Variants in LYPD6B observed in about 807,000 individuals in gnomAD.
LYPD6B encodes the protein ly6/PLAUR domain-containing protein 6B.
In LYPD6B, 17 loss-of-function variants were observed where a neutral mutation model predicts 22.8. The ratio of observed to expected loss-of-function variants is 0.75; its 90% CI spans 0.51 to 1.12. The LOEUF is 1.12. Among genes scored for constraint, LYPD6B ranks in the 50% most tolerant of loss-of-function variants. LYPD6B has a pLI of 0.00. For missense variants in LYPD6B, 221 were observed against 258.3 expected, an observed-to-expected ratio of 0.86 and a Z score of 0.99; for synonymous variants, 106 against 91.6, an observed-to-expected ratio of 1.16 and a Z score of -0.90.
chr2:149,039,457 G>C lies in LYPD6B; in HGVS notation c.-67+656G>C, dbSNP rs377764678. 5.9e-3 allele frequency among the ~76,000 whole-genome samples: 896 copies of C among 152,298 alleles called. 9 individuals carry two copies. Among genetic ancestry groups the C allele is most frequent in the African/African-American group, 0.018 (746 of 41,576 alleles). ...GTTTGGGGGGAGCTGGTGGGTGGAG[G>C]GGTGCTGTCCACCTCCCAAGGCCAG... On this transcript the variant is annotated intron_variant, in intron 1 of 6. Coordinates refer to ENST00000409642, the MANE Select transcript of LYPD6B (RefSeq NM_177964.5).
intron 3 of LYPD6B, among the ~76,000 whole-genome samples, chr2:149,170,400 T>A (rs1367499327): frequency 6.6e-6 from 1 of 152,212 alleles, no homozygotes; most frequent in Non-Finnish European, 1.5e-5. Flanking sequence ...AAATACCATC[T>A]GTCTTCTATC....
At chr2:149,208,226 G>A in intron 4 of LYPD6B, 88 bp from the exon 5 acceptor site, 1 of 854,640 alleles carries the variant, frequency 1.2e-6, no homozygotes, top group Non-Finnish European at 2.0e-6. Context: ...TGTTTCATCT[G>A]TTAAAGTTGC....
At chr2:149,183,863 G>GTGTGTA (rs1553498942) in intron 3 of LYPD6B, among the ~76,000 whole-genome samples, 1 of 148,688 alleles carries the variant, frequency 6.7e-6, no homozygotes, top group Non-Finnish European at 1.5e-5. Context: ...GTGTGTGTGT[G>GTGTGTA]TATATATATA....
intron 2 of LYPD6B, among the ~76,000 whole-genome samples, chr2:149,148,778 G>A (rs189976183): frequency 1.3e-5 from 2 of 152,326 alleles, no homozygotes; most frequent in South Asian, 2.1e-4. Context: ...GGGCAGTGCT[G>A]AGGAAGGCTG....
intron 1 of LYPD6B, among the ~76,000 whole-genome samples, chr2:149,052,556 AG>A (rs1362974788): frequency 6.6e-6 from 1 of 152,218 alleles, no homozygotes; most frequent in Non-Finnish European, 1.5e-5. Flanking sequence ...GCTGAACTTC[AG>A]GTAAGGACAC....
chr2:149,100,151 C>G (rs1686122862), intron 1 of LYPD6B, among the ~76,000 whole-genome samples: 1 of 152,080 alleles, frequency 6.6e-6, no homozygotes, highest in Non-Finnish European at 1.5e-5. Context: ...ATGGTCTAAA[C>G]TGGGTCATCC....
intron 1 of LYPD6B, among the ~76,000 whole-genome samples, chr2:149,060,749 C>T (rs1245729705): frequency 6.6e-6 from 1 of 152,092 alleles, no homozygotes; most frequent in Non-Finnish European, 1.5e-5. Context: ...ATATTGCTCT[C>T]CTATAGTAGG....
intron 2 of LYPD6B, among the ~76,000 whole-genome samples, chr2:149,152,440 G>A (rs755195398): frequency 3.3e-5 from 5 of 152,134 alleles, no homozygotes; most frequent in African/African-American, 4.8e-5. Flanking sequence ...AGTGTCAAGC[G>A]CTGCAGGCTT....
intron 1 of LYPD6B, among the ~76,000 whole-genome samples, chr2:149,040,519 C>T (rs1386035412): frequency 1.3e-5 from 2 of 152,112 alleles, no homozygotes; most frequent in Admixed American, 1.3e-4. Flanking sequence ...AGCCACTGCA[C>T]CCGGCCCCTT....
intron 1 of LYPD6B, among the ~76,000 whole-genome samples, chr2:149,123,755 G>A (rs890817085): frequency 8.5e-5 from 13 of 152,270 alleles, no homozygotes; most frequent in Admixed American, 8.5e-4. Context: ...ACTCACTCGG[G>A]AGGCTGAGGC....
intron 3 of LYPD6B, among the ~76,000 whole-genome samples, chr2:149,189,689 T>G (rs1692371944): frequency 6.6e-6 from 1 of 152,092 alleles, no homozygotes; most frequent in African/African-American, 2.4e-5. Context: ...CAATGCTTCC[T>G]GGCTGTTGAT....
intron 1 of LYPD6B, among the ~76,000 whole-genome samples, chr2:149,061,159 T>A (rs1466618906): frequency 1.3e-5 from 2 of 151,460 alleles, no homozygotes; most frequent in African/African-American, 2.4e-5. Flanking sequence ...TCAGCAGGCA[T>A]GCTCTGTAGC....
intron 4 of LYPD6B, among the ~76,000 whole-genome samples, chr2:149,206,405 A>G (rs1693509376): frequency 6.6e-6 from 1 of 152,140 alleles, no homozygotes; most frequent in Admixed American, 6.5e-5. Context: ...CATGTATACT[A>G]TAGACATGTA....
At chr2:149,193,296 C>A (rs917334049) in intron 3 of LYPD6B, among the ~76,000 whole-genome samples, 1 of 152,008 alleles carries the variant, frequency 6.6e-6, no homozygotes, top group Non-Finnish European at 1.5e-5. Flanking sequence ...TTGTTACATG[C>A]CACTACTTTT....
chr2:149,054,290 T>C (rs564144738), intron 1 of LYPD6B, among the ~76,000 whole-genome samples: 3 of 152,244 alleles, frequency 2.0e-5, no homozygotes, highest in Non-Finnish European at 4.4e-5. Context: ...ATAGTCATTC[T>C]GGTAGGTGTG....
intron 1 of LYPD6B, among the ~76,000 whole-genome samples, chr2:149,105,815 G>A (rs1686444715): frequency 6.6e-6 from 1 of 152,060 alleles, no homozygotes; most frequent in Admixed American, 6.6e-5. Context: ...GCACTGGCTA[G>A]ATCCTCCTGT....
intron 1 of LYPD6B, among the ~76,000 whole-genome samples, chr2:149,109,033 A>C (rs1333686083): frequency 1.1e-4 from 17 of 152,180 alleles, no homozygotes; most frequent in Non-Finnish European, 1.5e-5. Flanking sequence ...GGGTCCCCAC[A>C]ATACATTCTT....
intron 1 of LYPD6B, among the ~76,000 whole-genome samples, chr2:149,100,812 A>G (rs1198598050): frequency 6.6e-6 from 1 of 152,222 alleles, no homozygotes; most frequent in Non-Finnish European, 1.5e-5. Context: ...AAAAATTATC[A>G]TGCAGGCTGA....
At chr2:149,138,860 G>C (rs1337032694) in intron 2 of LYPD6B, among the ~76,000 whole-genome samples, 1 of 152,168 alleles carries the variant, frequency 6.6e-6, no homozygotes, top group Non-Finnish European at 1.5e-5. Flanking sequence ...ATCAGCAGAG[G>C]ACTTTAAGAA....
Sources: gnomAD v4.1 joint callset for allele counts (sites outside exome capture counted in the v4.1 genomes callset) on GRCh38, gnomAD v4.1.1 for gene constraint, MANE v1.5 for transcripts, NCBI Gene and HGNC (gene_info 2026-07-23, HGNC 2026-07-21) for gene names.